Variants in GALK2 observed in about 807,000 individuals in gnomAD.
GALK2 encodes galactokinase 2, also known as N-acetylgalactosamine kinase.
GALK2 carries 36 observed loss-of-function variants against 52.4 expected under a neutral mutation model. The ratio of observed to expected loss-of-function variants is 0.69; its 90% CI spans 0.53 to 0.91. The LOEUF (loss-of-function observed/expected upper bound fraction) is 0.91, where lower values mean the gene tolerates loss of function less well. Among genes scored for constraint, GALK2 ranks in the 40% least tolerant of loss-of-function variants. GALK2 has a pLI of 0.00. For missense variants in GALK2, 579 were observed against 559.1 expected (o/e 1.04, Z -0.36); for synonymous variants, 176 against 199.1 (o/e 0.88, Z 0.98).
intron 2 of GALK2, among the ~76,000 whole-genome samples, chr15:49,209,305 A>G (rs1339554229): frequency 1.3e-5 from 2 of 152,062 alleles, no homozygotes; most frequent in East Asian, 1.9e-4. Context: ...CTCCTTTCCA[A>G]TTTGGATGCC....
At chr15:49,264,939 G>C (rs1015129358) in intron 5 of GALK2, among the ~76,000 whole-genome samples, 1 of 152,164 alleles carries the variant, frequency 6.6e-6, no homozygotes, top group Non-Finnish European at 1.5e-5. Flanking sequence ...TGGTAGTTTT[G>C]TCTCAGAGGA....
intron 8 of GALK2, among the ~76,000 whole-genome samples, chr15:49,313,607 T>C (rs112426313): frequency 1.3e-4 from 20 of 152,366 alleles, no homozygotes; most frequent in Non-Finnish European, 2.8e-4. Context: ...AGTAGTGTCA[T>C]AGTTTGTCTT....
chr15:49,268,496 T>G (rs2029868937), intron 5 of GALK2, among the ~76,000 whole-genome samples: 1 of 152,198 alleles, frequency 6.6e-6, no homozygotes, highest in Non-Finnish European at 1.5e-5. Flanking sequence ...CTGAAAGATG[T>G]GGATAGAAAG....
chr15:49,203,707 G>GA (rs2087996368), intron 2 of GALK2, among the ~76,000 whole-genome samples: 14 of 152,170 alleles, frequency 9.2e-5, no homozygotes, highest in Non-Finnish European at 1.6e-4. Context: ...TTTATAAATG[G>GA]TGAGATATTG....
chr15:49,158,315 A>G (rs2084527155), intron 1 of GALK2, among the ~76,000 whole-genome samples: 1 of 152,248 alleles, frequency 6.6e-6, no homozygotes, highest in Non-Finnish European at 1.5e-5. Context: ...GAACAGAAAA[A>G]TGAACTAAGT....
intron 5 of GALK2, among the ~76,000 whole-genome samples, chr15:49,265,518 G>C (rs192075162): frequency 1.3e-3 from 199 of 152,364 alleles, no homozygotes; most frequent in African/African-American, 4.4e-3. Flanking sequence ...GACCCGTTGC[G>C]CTTCCCGAGT....
rs2090776008 is a variant in GALK2, at chr15:49,235,917, CTTATGTGGACTTAAA to C, written c.334_348del (p.Leu112_Lys116del). ...CCAAGCCTTTGTGGCACAACTATTT[CTTATGTGGACTTAAA>C]GGAATTCAGGTAAATTGGTTTATAA... On this transcript the variant is annotated inframe_deletion, in exon 4 of 10. Transcript: ENST00000560031. The C allele has an allele frequency of 1.9e-6, 3 of 1,611,564 alleles. No individual in the cohort carries two copies. The highest frequency in any genetic ancestry group is 2.5e-6 in the Non-Finnish European group (3 of 1,177,776).
intron 8 of GALK2, among the ~76,000 whole-genome samples, chr15:49,306,382 A>G (rs1465085541): frequency 6.6e-6 from 1 of 152,178 alleles, no homozygotes; most frequent in African/African-American, 2.4e-5. Flanking sequence ...CAGCTATTTA[A>G]GCACTGTGCT....
chr15:49,194,698 T>A (rs920680916), intron 1 of GALK2, among the ~76,000 whole-genome samples: 1 of 151,420 alleles, frequency 6.6e-6, no homozygotes, highest in Non-Finnish European at 1.5e-5. Flanking sequence ...CAAGTTTAAG[T>A]GATTCTCCTG....
chr15:49,156,103 A>G, intron 1 of GALK2: 1 of 1,245,214 alleles, frequency 8.0e-7, no homozygotes, highest in Non-Finnish European at 1.2e-6. Context: ...CTTTTCAGCA[A>G]CACAGTTTAC....
intron 1 of GALK2, among the ~76,000 whole-genome samples, chr15:49,157,662 A>G (rs1349194768): frequency 6.6e-6 from 1 of 152,208 alleles, no homozygotes; most frequent in African/African-American, 2.4e-5. Context: ...TGGTGATTAT[A>G]TATAGTTTTG....
chr15:49,365,849 C>G (rs1218415134), intron 3 of GALK2: 1 of 895,482 alleles, frequency 1.1e-6, no homozygotes, highest in Non-Finnish European at 1.9e-6. Flanking sequence ...CCGCGACACT[C>G]AATTGTGCAT....
At chr15:49,337,107 C>T (rs1244744889) in intron 3 of GALK2, among the ~76,000 whole-genome samples, 1 of 152,098 alleles carries the variant, frequency 6.6e-6, no homozygotes, top group Non-Finnish European at 1.5e-5. Context: ...TGGGGATCTA[C>T]GTTGATTCCA....
At chr15:49,271,515 A>C (rs1021936384) in intron 5 of GALK2, among the ~76,000 whole-genome samples, 1 of 152,186 alleles carries the variant, frequency 6.6e-6, no homozygotes, top group Non-Finnish European at 1.5e-5. Flanking sequence ...CTGAGAGATA[A>C]AGTATAGTAT....
chr15:49,333,375 T>A (rs1319405086), downstream of GALK2, among the ~76,000 whole-genome samples: 1 of 152,220 alleles, frequency 6.6e-6, no homozygotes, highest in African/African-American at 2.4e-5. Context: ...CAAATATGTA[T>A]GTTTCAACAA....
In GALK2 at chr15:49,365,157, G is replaced by A. The variant is rs541737727; in HGVS notation, c.427-2334G>A. On this transcript the variant is annotated intron_variant, in intron 3 of 3. Transcript: ENST00000558399. ...ACAATCTGTTCACCAGACATCACAG[G>A]GTTTTCTTCGTTTTTTGCATAATAC... 60 of 748,456 alleles carry A rather than the reference G, an allele frequency of 8.0e-5. No homozygotes were observed. In the South Asian group the frequency reaches 8.8e-4, roughly 11 times the overall value. 46.4% of individuals were successfully genotyped at this position (748,456 alleles called of 1,614,324 possible).
intron 3 of GALK2, among the ~76,000 whole-genome samples, chr15:49,344,555 G>T (rs916151027): frequency 3.3e-5 from 5 of 152,160 alleles, no homozygotes; most frequent in African/African-American, 1.2e-4. Flanking sequence ...AGCGAGGGAG[G>T]ACTGTAACTC....
intron 3 of GALK2, among the ~76,000 whole-genome samples, chr15:49,221,695 A>C (rs970238195): frequency 7.2e-5 from 11 of 152,122 alleles, no homozygotes; most frequent in South Asian, 6.2e-4. Context: ...TTAAAAAAAA[A>C]AGAAAATGAG....
chr15:49,174,305 C>CA (rs1278722217), intron 1 of GALK2, among the ~76,000 whole-genome samples: 1 of 151,914 alleles, frequency 6.6e-6, no homozygotes, highest in Non-Finnish European at 1.5e-5. Flanking sequence ...AATGGCCCTG[C>CA]AAAAAAGATG....
Sources: gnomAD v4.1 joint callset for allele counts (sites outside exome capture counted in the v4.1 genomes callset) on GRCh38, gnomAD v4.1.1 for gene constraint, MANE v1.5 for transcripts, NCBI Gene and HGNC (gene_info 2026-07-23, HGNC 2026-07-21) for gene names.